The following RBBP7 variants were observed in gnomAD, a reference collection of about 807,000 sequenced individuals.
RBBP7 encodes the protein histone-binding protein RBBP7.
Under a neutral mutation model 35.2 loss-of-function variants are expected in RBBP7, and 5 were observed. The ratio of observed to expected loss-of-function variants is 0.14; its 90% CI spans 0.07 to 0.30. The LOEUF is 0.30. RBBP7 is among the 10% of genes least tolerant of loss of function. The pLI, the probability that RBBP7 is intolerant of heterozygous loss-of-function variation, is 1.00. For missense variants in RBBP7, 155 were observed against 327.5 expected, an observed-to-expected ratio of 0.47 and a Z score of 4.07; for synonymous variants, 140 against 118.7, an observed-to-expected ratio of 1.18 and a Z score of -1.17.
At chrX:16,857,532 A>G (rs1285746811) in intron 5 of RBBP7, 62 bp downstream of exon 5, 8 of 1,196,634 alleles carry the variant, frequency 6.7e-6, no homozygotes, top group Non-Finnish European at 6.7e-6. Flanking sequence ...GTACTCCTTC[A>G]GCACAGCTGT....
chrX:16,869,871 G>T lies in RBBP7; in HGVS notation c.16+167C>A, dbSNP rs1160472431. 63 of 827,463 alleles carry T rather than the reference G, an allele frequency of 7.6e-5. No individual in the cohort carries two copies. In the African/African-American group the frequency reaches 1.2e-3, roughly 16 times the overall value. The allele number at this position is 827,463 out of a possible 1,213,427, so 68.2% of individuals were successfully genotyped here. Reference sequence around the variant, plus strand: ...CGGAAGTGCTCGGAGCCCTCGGCGCGGCGGTCCCGTCCCGCGCAGGCCCCT... The same window carrying T: ...CGGAAGTGCTCGGAGCCCTCGGCGCTGCGGTCCCGTCCCGCGCAGGCCCCT... On this transcript the variant is annotated intron_variant, in intron 1 of 11. Transcript: ENST00000380087.
At chrX:16,865,691 TC>T (rs933676563) in intron 2 of RBBP7, among the ~76,000 whole-genome samples, 2 of 112,336 alleles carry the variant, frequency 1.8e-5, no homozygotes, top group Non-Finnish European at 3.8e-5. Context: ...CAGTGCAGAA[TC>T]CTTTGACCCC....
intron 2 of RBBP7, among the ~76,000 whole-genome samples, chrX:16,867,162 C>A (rs1463534463): frequency 1.8e-5 from 2 of 111,609 alleles, no homozygotes; most frequent in Non-Finnish European, 3.8e-5. Flanking sequence ...CTGCACCAGG[C>A]ACTTTAACAT....
At chrX:16,857,192 A>G (rs1930372661) in intron 5 of RBBP7, among the ~76,000 whole-genome samples, 2 of 112,011 alleles carry the variant, frequency 1.8e-5, no homozygotes, top group African/African-American at 3.2e-5. Flanking sequence ...TCTTTCAGAG[A>G]GCGAATGAAA....
intron 3 of RBBP7, among the ~76,000 whole-genome samples, chrX:16,859,596 TTC>T (rs1405679432): frequency 1.8e-5 from 2 of 112,712 alleles, no homozygotes; most frequent in East Asian, 5.5e-4. Flanking sequence ...AACAAGAACA[TTC>T]TTTTTTGTGC....
At position 16,844,842 on chromosome X, in the gene RBBP7, ATTC is replaced by A; in HGVS notation, c.*190_*192del. On this transcript the variant is annotated 3_prime_UTR_variant, in exon 12 of 12. Transcript: ENST00000380087. ...ATGGTGATGTTCTTTCTTAAGCAAC[ATTC>A]TTCTCTTCCCTAATAGCTACAATAT... 2.9e-6 allele frequency: 1 copy of A among 340,820 alleles called. No homozygotes were observed. The highest frequency in any genetic ancestry group is 5.1e-6 in the Non-Finnish European group (1 of 194,558). 28.1% of individuals were successfully genotyped at this position (340,820 alleles called of 1,213,427 possible).
chrX:16,849,375 GC>G, intron 9 of RBBP7, 74 bp from the exon 10 acceptor site: 1 of 893,152 alleles, frequency 1.1e-6, no homozygotes, highest in Non-Finnish European at 1.6e-6. Context: ...ACCAGTATCA[GC>G]CCAGAAAGTA....
rs1569059172 is a variant in RBBP7, at chrX:16,849,203, A to G, written c.1098+41T>C. On this transcript the variant is annotated intron_variant, in intron 10 of 11. Transcript: ENST00000380087. ...AAATAAAGAGATCAATGACAATCCA[A>G]TCTGCATATGACATTTCATCTTCTA... is the stretch of plus-strand genomic sequence containing the variant. The G allele has an allele frequency of 5.2e-6, 6 of 1,150,287 alleles. No individual in the cohort carries two copies. In the East Asian group the frequency reaches 1.8e-4, roughly 35 times the overall value. The allele number at this position is 1,150,287 out of a possible 1,213,427, so 94.8% of individuals were successfully genotyped here.
At chrX:16,858,245 T>C (rs929151987) in intron 4 of RBBP7, among the ~76,000 whole-genome samples, 10 of 111,990 alleles carry the variant, frequency 8.9e-5, no homozygotes, top group African/African-American at 2.9e-4. Flanking sequence ...TGGCTGGTCA[T>C]AGAACAGGAT....
At chrX:16,869,683 C>G in intron 1 of RBBP7, 3 of 1,045,250 alleles carry the variant, frequency 2.9e-6, no homozygotes, top group Non-Finnish European at 2.5e-6. Flanking sequence ...GGGCCGCGAC[C>G]CCGAGGCGGT....
chrX:16,852,106 T>C lies in RBBP7; in HGVS notation c.980A>G (p.His327Arg). Residue 327 changes from histidine to arginine, a missense_variant, in exon 9 of 12, where the codon CAT (histidine) becomes CGT (arginine). This residue lies in a region of RBBP7 where 79 missense variants were observed against 220.8 expected (regional missense o/e 0.36). Transcript: ENST00000380087. ...ACTTGAAGCCAGAATAGTTTCATTA[T>C]GTGGAGACCAGTGGACCTAGTAATA... is the stretch of plus-strand genomic sequence containing the variant. ...DEIFQVHWSP[H>R]NETILASSGT... 1.7e-6 allele frequency: 2 copies of C among 1,201,403 alleles called. No homozygotes were observed. The highest frequency in any genetic ancestry group is 2.3e-6 in the Non-Finnish European group (2 of 885,912).
In RBBP7 at chrX:16,869,601, G is replaced by A. The variant is rs932803446; in HGVS notation, c.17-381C>T. 4.3e-6 allele frequency: 5 copies of A among 1,162,405 alleles called. No individual in the cohort carries two copies. In the African/African-American group the frequency reaches 5.4e-5, roughly 13 times the overall value. On this transcript the variant is annotated intron_variant, in intron 1 of 11. Coordinates refer to ENST00000380087, the MANE Select transcript of RBBP7 (RefSeq NM_002893.4). ...GGCCTGGTCTCTCCAATCCCCATCA[G>A]GGGAGGCCCCAGCTCCCACGACGCC... is the stretch of plus-strand genomic sequence containing the variant.
At chrX:16,850,745 G>A (rs1459674849) in intron 9 of RBBP7, among the ~76,000 whole-genome samples, 1 of 111,721 alleles carries the variant, frequency 9.0e-6, no homozygotes, top group Non-Finnish European at 1.9e-5. Context: ...TATAGGTTGA[G>A]CATCCCAAAT....
chrX:16,865,837 T>C (rs1405861830), intron 2 of RBBP7, among the ~76,000 whole-genome samples: 1 of 112,448 alleles, frequency 8.9e-6, no homozygotes, highest in African/African-American at 3.2e-5. Flanking sequence ...ACTGGTATCA[T>C]ACATTACACA....
chrX:16,853,427 T>C, intron 6 of RBBP7: 1 of 256,185 alleles, frequency 3.9e-6, no homozygotes, highest in Non-Finnish European at 6.9e-6. Context: ...CCTGAGTAGC[T>C]AGGACTACAG....
intron 9 of RBBP7, among the ~76,000 whole-genome samples, chrX:16,851,522 T>C (rs769712412): frequency 8.9e-6 from 1 of 111,901 alleles, no homozygotes; most frequent in South Asian, 3.7e-4. Flanking sequence ...AGAAACTCTT[T>C]ATACAATGAG....
At position 16,858,673 on chromosome X, in the gene RBBP7, T is replaced by C; in HGVS notation, c.481+3A>G. On this transcript the variant is annotated splice_donor_region_variant and intron_variant, in intron 4 of 11. Coordinates refer to ENST00000380087, the MANE Select transcript of RBBP7 (RefSeq NM_002893.4). Reference sequence around the variant, plus strand: ...GTAATGACCTAACTCTATTATTACATACCTGGTTTAGCAGGGTGTTTTGTA... The same window carrying C: ...GTAATGACCTAACTCTATTATTACACACCTGGTTTAGCAGGGTGTTTTGTA... The C allele has an allele frequency of 1.7e-6, 2 of 1,209,226 alleles. No individual in the cohort carries two copies. The highest frequency in any genetic ancestry group is 2.2e-6 in the Non-Finnish European group (2 of 893,874).
Position 16,845,010 on chromosome X carries a change from C to G in RBBP7, c.*25G>C. The G allele has an allele frequency of 8.4e-7, 1 of 1,185,272 alleles. No individual in the cohort carries two copies. Among genetic ancestry groups the G allele is most frequent in the Non-Finnish European group, 1.1e-6 (1 of 872,169 alleles). ...AGCATTCATGTAGCATTACATTCAA[C>G]AGAAACATTTCTCGTACTTTGGGTT... On this transcript the variant is annotated 3_prime_UTR_variant, in exon 12 of 12. Transcript: ENST00000380087.
intron 1 of RBBP7, 46 bp from the exon 2 acceptor site, chrX:16,869,266 C>A (rs1162216495): frequency 3.4e-6 from 4 of 1,175,397 alleles, no homozygotes; most frequent in South Asian, 3.9e-5. Flanking sequence ...TGAGATAGAT[C>A]AAAGTCAGAA....
Sources: allele counts gnomAD v4.1 joint callset (sites outside exome capture counted in the v4.1 genomes callset), GRCh38; gene constraint gnomAD v4.1.1; regional missense constraint gnomAD v4.1.1; transcripts MANE v1.5; gene names NCBI Gene and HGNC (gene_info 2026-07-23, HGNC 2026-07-21).